Variants in PCDHGA4 observed in about 807,000 individuals in gnomAD.
The protein encoded by PCDHGA4 is protocadherin gamma-A4.
Under a neutral mutation model 54.6 loss-of-function variants are expected in PCDHGA4, and 38 were observed. The ratio of observed to expected loss-of-function variants is 0.70; its 90% CI spans 0.54 to 0.91. The LOEUF (loss-of-function observed/expected upper bound fraction) is 0.91. Among genes scored for constraint, PCDHGA4 ranks in the 40% least tolerant of loss-of-function variants. PCDHGA4 has a pLI of 0.00. For synonymous variants in PCDHGA4, 511 were observed against 512.9 expected (o/e 1.00, Z 0.05); for missense variants, 1,298 against 1,220.9 (o/e 1.06, Z -0.94).
intron 1 of PCDHGA4, among the ~76,000 whole-genome samples, chr5:141,369,150 T>C (rs1766058154): frequency 6.6e-6 from 1 of 152,222 alleles, no homozygotes; most frequent in Non-Finnish European, 1.5e-5. Flanking sequence ...TGGCATGTTA[T>C]TGACCAGGGA....
At chr5:141,399,627 C>G (rs751717107) in intron 1 of PCDHGA4, 12 of 1,613,906 alleles carry the variant, frequency 7.4e-6, no homozygotes, top group South Asian at 1.1e-5. Context: ...TGGCCTCTTA[C>G]GTGTCCATGA....
At chr5:141,501,841 C>T (rs2099811330) in intron 2 of PCDHGA4, among the ~76,000 whole-genome samples, 1 of 152,130 alleles carries the variant, frequency 6.6e-6, no homozygotes, top group African/African-American at 2.4e-5. Flanking sequence ...CTGTTTGGCC[C>T]TCAACCTTCA....
chr5:141,410,202 A>G (rs766392835), intron 1 of PCDHGA4: 2 of 1,614,018 alleles, frequency 1.2e-6, no homozygotes, highest in Non-Finnish European at 1.7e-6. Flanking sequence ...TTCGCAGACA[A>G]CTTGCAAGAG....
At chr5:141,372,559 C>T in intron 1 of PCDHGA4, 1 of 1,614,048 alleles carries the variant, frequency 6.2e-7, no homozygotes, top group Non-Finnish European at 8.5e-7. Context: ...TCCAGACCCG[C>T]CACTGAGGGC....
At chr5:141,383,781 G>A (rs1435690676) in intron 1 of PCDHGA4, 13 of 1,613,850 alleles carry the variant, frequency 8.1e-6, no homozygotes, top group Non-Finnish European at 1.1e-5. Context: ...TGTTTCATCT[G>A]AACTCGCTTA....
intron 2 of PCDHGA4, among the ~76,000 whole-genome samples, chr5:141,499,868 A>G (rs2099794957): frequency 6.6e-6 from 1 of 152,024 alleles, no homozygotes; most frequent in Non-Finnish European, 1.5e-5. Context: ...TTGTATTTTC[A>G]GTACAAACAG....
At chr5:141,413,650 C>T (rs1384444202) in intron 1 of PCDHGA4, 2 of 1,613,714 alleles carry the variant, frequency 1.2e-6, no homozygotes, top group Non-Finnish European at 1.7e-6. Flanking sequence ...TTTTCCTCTC[C>T]CGGAAGCTAT....
At chr5:141,419,394 G>A (rs778450240) in intron 1 of PCDHGA4, 2 of 1,613,612 alleles carry the variant, frequency 1.2e-6, no homozygotes, top group East Asian at 2.2e-5. Flanking sequence ...GCGCAGAGCG[G>A]GGTGGTGTTC....
chr5:141,468,039 A>G (rs1007212946), intron 1 of PCDHGA4, among the ~76,000 whole-genome samples: 21 of 152,262 alleles, frequency 1.4e-4, no homozygotes, highest in African/African-American at 5.1e-4. Context: ...CATTTAGAAA[A>G]CTAAGCCGGG....
chr5:141,490,288 G>A lies in PCDHGA4; in HGVS notation c.2515-4519G>A. On this transcript the variant is annotated intron_variant, in intron 1 of 3. Coordinates refer to ENST00000571252, the MANE Select transcript of PCDHGA4 (RefSeq NM_018917.4). The surrounding 1 kb of genome is among the most constrained non-coding windows in gnomAD (Gnocchi z 5.4). ...GGATGTCAATGACAATGCCCCAGAG[G>A]TGCTATTGGCCTCTTTGGCCAACCC... The A allele has an allele frequency of 3.7e-6, 6 of 1,614,198 alleles. No individual in the cohort carries two copies. The highest frequency in any genetic ancestry group is 5.1e-6 in the Non-Finnish European group (6 of 1,180,042).
chr5:141,364,657 G>A (rs1232643990), intron 1 of PCDHGA4: 3 of 1,613,916 alleles, frequency 1.9e-6, no homozygotes, highest in African/African-American at 2.7e-5. Context: ...TTAACATCTT[G>A]GTTGAGAACA....
In PCDHGA4 at chr5:141,355,476, G is replaced by A. The variant is rs1759869757; in HGVS notation, c.369G>A (p.Arg123=). 3.1e-6 allele frequency: 5 copies of A among 1,613,968 alleles called. No homozygotes were observed. Among genetic ancestry groups the A allele is most frequent in the Non-Finnish European group, 4.2e-6 (5 of 1,179,922 alleles). ...GTLVTAGRID[R]EELCDRSPNC... is the part of the protein sequence containing the mutation. ...TGGTCACCGCGGGTAGGATAGACAG[G>A]GAGGAGCTCTGCGACAGATCTCCAA... The change falls in exon 1 of 4, where the codon AGG becomes AGA. Residue 123 remains arginine (R), a synonymous_variant. Transcript: ENST00000571252.
chr5:141,397,862 G>A (rs956658469), intron 1 of PCDHGA4: 5 of 566,952 alleles, frequency 8.8e-6, no homozygotes, highest in African/African-American at 7.5e-5. Flanking sequence ...TAGTTTCCTA[G>A]TGCTGACTCT....
At chr5:141,433,849 A>AC (rs1304649814) in intron 1 of PCDHGA4, among the ~76,000 whole-genome samples, 10 of 152,030 alleles carry the variant, frequency 6.6e-5, no homozygotes, top group Admixed American at 1.3e-4. Flanking sequence ...AAAAAAAAAA[A>AC]AAAAAACTTT....
intron 1 of PCDHGA4, chr5:141,392,975 GGA>G: frequency 6.2e-7 from 1 of 1,613,862 alleles, no homozygotes; most frequent in Non-Finnish European, 8.5e-7. Context: ...ACCTGGGGCT[GGA>G]CCCCCGGAAG....
chr5:141,478,396 G>T (rs150499152), intron 1 of PCDHGA4: 2 of 1,613,446 alleles, frequency 1.2e-6, no homozygotes, highest in African/African-American at 2.7e-5. Flanking sequence ...ACCATCAGGT[G>T]TATCTCACCA....
At chr5:141,409,325 G>A (rs2095255437) in intron 1 of PCDHGA4, 1 of 1,613,984 alleles carries the variant, frequency 6.2e-7, no homozygotes, top group Non-Finnish European at 8.5e-7. Context: ...ACGGGATCTG[G>A]ATTTCGGAGG....
In PCDHGA4 at chr5:141,491,681, C is replaced by A; in HGVS notation, c.2515-3126C>A. The A allele has an allele frequency of 6.2e-7, 1 of 1,613,458 alleles. No individual in the cohort carries two copies. Among genetic ancestry groups the A allele is most frequent in the Non-Finnish European group, 8.5e-7 (1 of 1,179,804 alleles). ...GACGCCATCCGGTCCCGCTCTAATA[C>A]GCTGCGGGAGCGGAGCCAGGTGAGG... On this transcript the variant is annotated intron_variant, in intron 1 of 3. Coordinates refer to ENST00000571252, the MANE Select transcript of PCDHGA4 (RefSeq NM_018917.4). This position sits in a 1 kb window ranked among gnomAD's most constrained non-coding sequence, Gnocchi z 6.9.
intron 1 of PCDHGA4, chr5:141,441,925 T>C (rs926242217): frequency 2.8e-6 from 1 of 353,614 alleles, no homozygotes; most frequent in Non-Finnish European, 5.4e-6. Flanking sequence ...ACACAATGCG[T>C]GGCTGTCCTA....
Sources: gnomAD v4.1 joint callset for allele counts (sites outside exome capture counted in the v4.1 genomes callset) on GRCh38, gnomAD v4.1.1 for gene constraint, Gnocchi (gnomAD v3.1) non-coding constraint, MANE v1.5 for transcripts, NCBI Gene and HGNC (gene_info 2026-07-23, HGNC 2026-07-21) for gene names.